Variants in PRDM10 observed in about 807,000 individuals in gnomAD.
PRDM10 encodes the protein PR domain zinc finger protein 10.
Under a neutral mutation model 133.1 loss-of-function variants are expected in PRDM10, and 65 were observed. That is an observed-to-expected ratio of 0.49 (90% CI 0.40 to 0.60). The LOEUF (loss-of-function observed/expected upper bound fraction) is 0.60. PRDM10 is among the 20% of genes least tolerant of loss of function. PRDM10 has a pLI of 0.00. For synonymous variants in PRDM10, 582 were observed against 580.4 expected (o/e 1.00, Z -0.04); for missense variants, 1,137 against 1,507.1 (o/e 0.75, Z 4.07).
chr11:129,988,084 C>G (rs1298234688), intron 1 of PRDM10, among the ~76,000 whole-genome samples: 3 of 152,096 alleles, frequency 2.0e-5, no homozygotes, highest in Non-Finnish European at 4.4e-5. Context: ...GTGAAAGAAG[C>G]TAGTCACAAA....
intron 2 of PRDM10, among the ~76,000 whole-genome samples, chr11:129,958,636 C>T (rs1228359524): frequency 6.6e-6 from 1 of 152,096 alleles, no homozygotes; most frequent in Non-Finnish European, 1.5e-5. Context: ...AAGAGTGAAA[C>T]TCCATCTCAA....
chr11:129,985,626 T>C (rs1938367587), intron 1 of PRDM10, among the ~76,000 whole-genome samples: 1 of 151,160 alleles, frequency 6.6e-6, no homozygotes, highest in Non-Finnish European at 1.5e-5. Flanking sequence ...ACCCTGTCTC[T>C]ACAAAAAGTT....
rs1048017809 is a variant in PRDM10 at position 129,910,161 on chromosome 11, A to G, written c.3163+315T>C. Among the ~76,000 whole-genome samples, 4 of 152,350 alleles carry G rather than the reference A, an allele frequency of 2.6e-5. No individual in the cohort carries two copies. The South Asian group carries it at 8.3e-4, about 32-fold the overall frequency. ...CAGTGTCTAGTACAGCGATTGATAG[A>G]CAGGCATTCTACAAATATTGGTGGA... On this transcript the variant is annotated intron_variant, in intron 19 of 20. Transcript: ENST00000360871.
At chr11:129,924,817 C>T in intron 12 of PRDM10, 65 bp downstream of exon 12, 1 of 1,447,328 alleles carries the variant, frequency 6.9e-7, no homozygotes, top group Admixed American at 2.3e-5. Flanking sequence ...CTCGGTTTTC[C>T]AAAAATCGAA....
chr11:129,932,313 A>AC, intron 9 of PRDM10, 82 bp from the exon 10 acceptor site: 1 of 1,513,408 alleles, frequency 6.6e-7, no homozygotes, highest in Non-Finnish European at 9.0e-7. Flanking sequence ...ATCCTTACTA[A>AC]CCCCAGAGTT....
chr11:129,948,526 C>T (rs1312258006), intron 4 of PRDM10, among the ~76,000 whole-genome samples: 2 of 152,156 alleles, frequency 1.3e-5, no homozygotes. Context: ...TCCACAACAG[C>T]ACTCAGCATC....
chr11:129,989,877 C>T (rs34352909), intron 1 of PRDM10, among the ~76,000 whole-genome samples: 38,663 of 152,034 alleles, frequency 0.25, 7,607 homozygotes, highest in East Asian at 0.56. Context: ...TTAGTTCAAA[C>T]AGACTGAACC....
chr11:129,991,139 A>G (rs1425950292), intron 1 of PRDM10, among the ~76,000 whole-genome samples: 1 of 152,242 alleles, frequency 6.6e-6, no homozygotes, highest in Non-Finnish European at 1.5e-5. Flanking sequence ...ATGTGGCTCA[A>G]TAGTATAGAG....
At position 129,923,288 on chromosome 11, in the gene PRDM10, C is replaced by T. The variant is rs1384668966; in HGVS notation, c.1994G>A (p.Arg665His). The change falls in exon 13 of 21, where the codon CGC becomes CAC. Residue 665 changes from arginine to histidine, a missense_variant. By Grantham distance (29) the Arg-to-His change is conservative. Around this residue, in one of 6 missense-constraint regions of PRDM10, gnomAD observed 78 missense variants for 96.4 expected, o/e 0.81. Coordinates refer to ENST00000360871, the MANE Select transcript of PRDM10 (RefSeq NM_199437.2). The surrounding 1 kb of genome is among the most constrained non-coding windows in gnomAD (Gnocchi z 4.4). ...ACAGGTGGAACACAGGAAGTCTTTG[C>T]GGTCCGAATGCCGGAGCATGTGGAG... ...LRLHMLRHSD[R>H]KDFLCSTCGK... 1.9e-6 allele frequency: 3 copies of T among 1,597,164 alleles called. No homozygotes were observed. Among genetic ancestry groups the T allele is most frequent in the East Asian group, 2.2e-5 (1 of 44,458 alleles).
chr11:129,909,838 T>C (rs1480162944), intron 19 of PRDM10, among the ~76,000 whole-genome samples: 1 of 152,222 alleles, frequency 6.6e-6, no homozygotes, highest in Admixed American at 6.5e-5. Flanking sequence ...CTCCCTCCTT[T>C]ACTAGATGAT....
At chr11:130,002,448 A>G (rs1233892196) in intron 1 of PRDM10, among the ~76,000 whole-genome samples, 4 of 151,926 alleles carry the variant, frequency 2.6e-5, no homozygotes, top group Non-Finnish European at 5.9e-5. Flanking sequence ...GAAGGTGCAG[A>G]TGGTTTGACC....
At chr11:129,961,952 G>A (rs1235200867) in intron 1 of PRDM10, among the ~76,000 whole-genome samples, 1 of 152,098 alleles carries the variant, frequency 6.6e-6, no homozygotes, top group Non-Finnish European at 1.5e-5. Flanking sequence ...CTCTTTCCTT[G>A]TAGACACTAA....
rs1266622322 is a variant in PRDM10, at chr11:129,918,354, C to T, written c.2214+185G>A. On this transcript the variant is annotated intron_variant, in intron 14 of 20. Transcript: ENST00000360871. This position sits in a 1 kb window ranked among gnomAD's most constrained non-coding sequence, Gnocchi z 5.3. The stretch of plus-strand genomic sequence containing the variant: ...TGATCCAAAAAGCAGCAAGAGAGAG[C>T]AAAGGGAGACTAGAAAAGACAGAAC... Among the ~76,000 whole-genome samples the T allele has an allele frequency of 6.6e-6, 1 of 151,590 alleles. No individual in the cohort carries two copies. The highest frequency in any genetic ancestry group is 1.9e-4 in the East Asian group (1 of 5,168).
chr11:129,914,682 G>T, intron 17 of PRDM10, 22 bp downstream of exon 17: 1 of 1,614,066 alleles, frequency 6.2e-7, no homozygotes, highest in South Asian at 1.1e-5. Flanking sequence ...ATAAGGCAAA[G>T]GGAAACCAAG....
chr11:129,915,338 T>C (rs1414385933), intron 16 of PRDM10, among the ~76,000 whole-genome samples: 1 of 150,620 alleles, frequency 6.6e-6, no homozygotes, highest in African/African-American at 2.4e-5. Context: ...CCACGTAACT[T>C]TCTATGTGGT....
chr11:129,951,012 G>C (rs1591653641), intron 4 of PRDM10, among the ~76,000 whole-genome samples: 1 of 152,190 alleles, frequency 6.6e-6, no homozygotes, highest in East Asian at 1.9e-4. Context: ...TTAGAGGCTG[G>C]CTCTAAAAGC....
intron 3 of PRDM10, among the ~76,000 whole-genome samples, chr11:129,955,861 T>G (rs543479986): frequency 6.6e-6 from 1 of 152,266 alleles, no homozygotes; most frequent in Non-Finnish European, 1.5e-5. Context: ...TCACAGTTAA[T>G]TAAAAAGGCA....
At chr11:129,926,249 TG>T (rs1418921639) in intron 11 of PRDM10, among the ~76,000 whole-genome samples, 1 of 152,170 alleles carries the variant, frequency 6.6e-6, no homozygotes, top group African/African-American at 2.4e-5. Flanking sequence ...TCGCCACTAC[TG>T]GAAAATCTAC....
intron 2 of PRDM10, among the ~76,000 whole-genome samples, chr11:129,958,812 AG>A (rs1167094032): frequency 5.3e-5 from 8 of 152,202 alleles, no homozygotes; most frequent in African/African-American, 1.9e-4. Context: ...AAGTACTTTT[AG>A]GGGGTTCTGG....
Sources: allele counts gnomAD v4.1 joint callset (sites outside exome capture counted in the v4.1 genomes callset), GRCh38; gene constraint gnomAD v4.1.1; regional missense constraint gnomAD v4.1.1; non-coding constraint Gnocchi (gnomAD v3.1); transcripts MANE v1.5; gene names NCBI Gene and HGNC (gene_info 2026-07-23, HGNC 2026-07-21).